Variants in SMURF1 observed in about 807,000 individuals in gnomAD.
SMURF1 encodes the protein SMAD specific E3 ubiquitin protein ligase 1.
SMURF1 carries 44 observed loss-of-function variants against 98.0 expected under a neutral mutation model. The ratio of observed to expected loss-of-function variants is 0.45; its 90% CI spans 0.35 to 0.58. The LOEUF is 0.58. SMURF1 is among the 20% of genes least tolerant of loss of function. The pLI is 0.00. For missense variants in SMURF1, 687 were observed against 938.4 expected, an observed-to-expected ratio of 0.73 and a Z score of 3.50; for synonymous variants, 396 against 374.9, an observed-to-expected ratio of 1.06 and a Z score of -0.65.
chr7:99,128,666 A>G (rs927879857), intron 1 of SMURF1, among the ~76,000 whole-genome samples: 4 of 152,196 alleles, frequency 2.6e-5, no homozygotes, highest in African/African-American at 9.7e-5. Context: ...TTCAAATATC[A>G]ATATTGTACT....
chr7:99,086,689 A>G (rs747518918), intron 1 of SMURF1, among the ~76,000 whole-genome samples: 4 of 152,238 alleles, frequency 2.6e-5, no homozygotes, highest in Non-Finnish European at 5.9e-5. Context: ...TGAATGGATA[A>G]ACAAACCGCA....
intron 1 of SMURF1, among the ~76,000 whole-genome samples, chr7:99,096,133 T>C (rs762481979): frequency 6.6e-6 from 1 of 152,198 alleles, no homozygotes; most frequent in Non-Finnish European, 1.5e-5. Context: ...TGGTCTACTG[T>C]GAACAACTTT....
intron 3 of SMURF1, among the ~76,000 whole-genome samples, chr7:99,057,901 A>T (rs11980499): frequency 0.66 from 99,767 of 151,978 alleles, 34,702 homozygotes; most frequent in African/African-American, 0.91. Flanking sequence ...CCAGCTTTTA[A>T]TTGTATTTCT....
intron 1 of SMURF1, among the ~76,000 whole-genome samples, chr7:99,105,183 A>G (rs1367033523): frequency 1.3e-5 from 2 of 152,216 alleles, no homozygotes; most frequent in African/African-American, 4.8e-5. Flanking sequence ...GCCACATCCC[A>G]AGAAGCAGCC....
intron 1 of SMURF1, among the ~76,000 whole-genome samples, chr7:99,143,176 C>T (rs1245842421): frequency 1.8e-5 from 1 of 56,262 alleles, no homozygotes; most frequent in Non-Finnish European, 3.3e-5. Context: ...GGGGTGGGGC[C>T]AGAGAGATGG....
At chr7:99,088,254 T>C (rs1396157333) in intron 1 of SMURF1, among the ~76,000 whole-genome samples, 1 of 147,596 alleles carries the variant, frequency 6.8e-6, no homozygotes, top group East Asian at 2.0e-4. Flanking sequence ...CAAGACTCTG[T>C]CTCAAAAAAA....
intron 1 of SMURF1, among the ~76,000 whole-genome samples, chr7:99,097,601 C>A (rs1796983829): frequency 6.6e-6 from 1 of 152,178 alleles, no homozygotes. Context: ...TGCTAGCACC[C>A]TGATATTGGA....
intron 1 of SMURF1, among the ~76,000 whole-genome samples, chr7:99,073,551 G>C (rs1796382086): frequency 6.6e-6 from 1 of 151,240 alleles, no homozygotes; most frequent in African/African-American, 2.4e-5. Flanking sequence ...GATCACATGA[G>C]GTCAGGAGTT....
At chr7:99,117,074 G>A (rs905946689) in intron 1 of SMURF1, among the ~76,000 whole-genome samples, 3 of 151,598 alleles carry the variant, frequency 2.0e-5, no homozygotes, top group African/African-American at 7.3e-5. Flanking sequence ...TTTCAAGAGG[G>A]TGCCAATACC....
chr7:99,030,729 A>G, intron 17 of SMURF1, 46 bp from the exon 18 acceptor site: 1 of 1,507,468 alleles, frequency 6.6e-7, no homozygotes, highest in Non-Finnish European at 9.2e-7. Flanking sequence ...GTCCAGCCCT[A>G]GGACCAACCT....
chr7:99,078,581 A>G (rs1041211453), intron 1 of SMURF1, among the ~76,000 whole-genome samples: 2 of 151,644 alleles, frequency 1.3e-5, no homozygotes, highest in African/African-American at 4.9e-5. Context: ...GCGAAGCTTC[A>G]TCTGTGTTTA....
intron 13 of SMURF1, among the ~76,000 whole-genome samples, chr7:99,039,863 A>C (rs544184787): frequency 6.6e-6 from 1 of 152,326 alleles, no homozygotes; most frequent in South Asian, 2.1e-4. Flanking sequence ...TGCTGCTCTT[A>C]ACAGAGTGTT....
intron 2 of SMURF1, 81 bp from the exon 3 acceptor site, chr7:99,060,788 A>G (rs1326625462): frequency 2.2e-6 from 2 of 906,140 alleles, no homozygotes; most frequent in African/African-American, 3.3e-5. Context: ...CGTGTTCTCT[A>G]ATTTCAGGAT....
At chr7:99,137,028 G>C (rs991797964) in intron 1 of SMURF1, among the ~76,000 whole-genome samples, 3 of 151,092 alleles carry the variant, frequency 2.0e-5, no homozygotes, top group Non-Finnish European at 3.0e-5. Context: ...TAAAAATAAA[G>C]ATAATACTGG....
chr7:99,079,291 C>G (rs1304700660), intron 1 of SMURF1, among the ~76,000 whole-genome samples: 1 of 152,184 alleles, frequency 6.6e-6, no homozygotes, highest in African/African-American at 2.4e-5. Flanking sequence ...AAGCCTGGCT[C>G]TGGGACACAG....
In SMURF1 at chr7:99,060,378, CAAAAAAAA is replaced by C. The variant is rs11340949; in HGVS notation, c.203+213_203+220del. On this transcript the variant is annotated intron_variant, in intron 3 of 17. Transcript: ENST00000361368. ...TGGGTGACAGAGTGAGACTCCGTCT[CAAAAAAAA>C]AAAAAAAAAAAGAAAAAAGAAAGTA... Among the ~76,000 whole-genome samples, 476 of 92,512 alleles carry C rather than the reference CAAAAAAAA, an allele frequency of 5.1e-3. 8 individuals carry two copies. Among genetic ancestry groups the C allele is most frequent in the Non-Finnish European group, 6.3e-3 (305 of 48,752 alleles). 60.7% of individuals were successfully genotyped at this position (92,512 alleles called of 152,430 possible).
intron 1 of SMURF1, among the ~76,000 whole-genome samples, chr7:99,095,446 G>A (rs1275387332): frequency 1.3e-5 from 2 of 152,164 alleles, no homozygotes; most frequent in Admixed American, 1.3e-4. Context: ...CTGCTTGGGT[G>A]GTCCAGATAA....
Position 99,129,396 on chromosome 7 carries a change from G to A in SMURF1, c.55+14330C>T, listed in dbSNP as rs1250713697. ...ATTCCAGTTATTTCCCCATTTTTAC[G>A]TTATGTTATTATTTTAAGATGGTCT... is the stretch of plus-strand genomic sequence containing the variant. On this transcript the variant is annotated intron_variant, in intron 1 of 17. Transcript: ENST00000361368. Among the ~76,000 whole-genome samples the A allele has an allele frequency of 2.6e-5, 4 of 152,062 alleles. No individual in the cohort carries two copies. The East Asian group carries it at 7.7e-4, about 29-fold the overall frequency.
intron 3 of SMURF1, among the ~76,000 whole-genome samples, chr7:99,058,457 G>A (rs1795939989): frequency 6.6e-6 from 1 of 152,064 alleles, no homozygotes; most frequent in African/African-American, 2.4e-5. Flanking sequence ...TAGTCGCATA[G>A]GACAGTAACA....
Sources: allele counts gnomAD v4.1 joint callset (sites outside exome capture counted in the v4.1 genomes callset), GRCh38; gene constraint gnomAD v4.1.1; transcripts MANE v1.5; gene names NCBI Gene and HGNC (gene_info 2026-07-23, HGNC 2026-07-21).